The following MAP1LC3A variants were observed in gnomAD, a reference collection of about 807,000 sequenced individuals.
MAP1LC3A encodes the protein microtubule-associated protein 1 light chain 3 alpha.
MAP1LC3A carries 10 observed loss-of-function variants against 15.2 expected under a neutral mutation model. The observed-to-expected ratio is 0.66, with a 90% CI of 0.41 to 1.12. The LOEUF (loss-of-function observed/expected upper bound fraction) is 1.12. Among genes scored for constraint, MAP1LC3A ranks in the 50% most tolerant of loss-of-function variants. The pLI, the probability that MAP1LC3A is intolerant of heterozygous loss-of-function variation, is 0.00. For synonymous variants in MAP1LC3A, 63 were observed against 64.3 expected (o/e 0.98, Z 0.10); for missense variants, 138 against 167.3 (o/e 0.82, Z 0.97).
rs1357145981 is a variant in MAP1LC3A at position 34,559,738 on chromosome 20, G to A, written c.206G>A (p.Arg69His). ...NMSELVKIIR[R>H]RLQLNPTQAF... ...GCATACTCTCCCGCCGGCTGCAGGC[G>A]CCGCCTGCAGCTGAACCCCACGCAG... Residue 69 changes from arginine to histidine, a missense_variant and splice_region_variant, in exon 4 of 4, where the codon CGC becomes CAC. Arg to His is a conservative substitution (Grantham distance 29). Transcript: ENST00000360668. 3 of 1,600,240 alleles carry A rather than the reference G, an allele frequency of 1.9e-6. No homozygotes were observed. Among genetic ancestry groups the A allele is most frequent in the Non-Finnish European group, 2.6e-6 (3 of 1,176,246 alleles).
upstream of MAP1LC3A, among the ~76,000 whole-genome samples, chr20:34,555,626 C>A (rs529801395): frequency 6.6e-6 from 1 of 151,932 alleles, no homozygotes; most frequent in East Asian, 1.9e-4. Context: ...CTAAGTAATA[C>A]ATCTATGTAA....
At chr20:34,555,308 C>A (rs1982115060), upstream of MAP1LC3A, among the ~76,000 whole-genome samples, 1 of 152,004 alleles carries the variant, frequency 6.6e-6, no homozygotes, top group African/African-American at 2.4e-5. Flanking sequence ...CCACACCCAG[C>A]TAACTTCTGT....
intron 1 of MAP1LC3A, among the ~76,000 whole-genome samples, chr20:34,549,207 G>A (rs910234590): frequency 6.6e-6 from 1 of 151,654 alleles, no homozygotes; most frequent in Non-Finnish European, 1.5e-5. Flanking sequence ...TGTATTTTTA[G>A]TAGAGAAGGG....
rs1308522274 is a variant in MAP1LC3A, at chr20:34,548,291, TG to T, written c.-74+1377del. 2.0e-5 allele frequency among the ~76,000 whole-genome samples: 3 copies of T among 152,148 alleles called. No individual in the cohort carries two copies. The East Asian group carries it at 5.8e-4, about 29-fold the overall frequency. On this transcript the variant is annotated intron_variant, in intron 1 of 4. Transcript: ENST00000374837. ...GGTGGGGATTGTACGTCACTCATAG[TG>T]GAGGCACTGGTGGGTGTGGAGAGAA... is the stretch of plus-strand genomic sequence containing the variant.
chr20:34,559,687 G>C (rs1343474989), intron 3 of MAP1LC3A, 49 bp from the exon 4 acceptor site: 1 of 1,554,838 alleles, frequency 6.4e-7, no homozygotes, highest in Non-Finnish European at 8.7e-7. Context: ...GGCTATGTCC[G>C]TCCCGCAGCC....
chr20:34,558,934 G>A lies in MAP1LC3A; in HGVS notation c.40+26G>A. ...GTGAGGCCCGGCAGGCGAGCTGCGA[G>A]CTCTGGGGCAGGGGTGCCGGCCGAC... On this transcript the variant is annotated intron_variant, in intron 1 of 3. Coordinates refer to ENST00000360668, the MANE Select transcript of MAP1LC3A (RefSeq NM_032514.4). The surrounding 1 kb of genome is among the most constrained non-coding windows in gnomAD (Gnocchi z 4.3). The A allele has an allele frequency of 2.2e-6, 3 of 1,377,630 alleles. No individual in the cohort carries two copies. The highest frequency in any genetic ancestry group is 1.6e-5 in the South Asian group (1 of 61,812). The allele number at this position is 1,377,630 out of a possible 1,614,324, so 85.3% of individuals were successfully genotyped here. A position where few individuals can be genotyped will look rare whatever the true frequency, so the allele number is the denominator to read the frequency against.
chr20:34,550,585 TACC>T (rs920163900), intron 2 of MAP1LC3A, among the ~76,000 whole-genome samples: 15 of 152,098 alleles, frequency 9.9e-5, no homozygotes, highest in African/African-American at 3.6e-4. Context: ...CACAGTGAGA[TACC>T]ACTACACACC....
chr20:34,553,594 G>A (rs6142195), intron 2 of MAP1LC3A, among the ~76,000 whole-genome samples: 2 of 152,204 alleles, frequency 1.3e-5, no homozygotes, highest in Non-Finnish European at 1.5e-5. Flanking sequence ...GTGTGTGTGA[G>A]GTTTGTCCAG....
At position 34,559,380 on chromosome 20, in the gene MAP1LC3A, C is replaced by T. The variant is rs1170335403; in HGVS notation, c.130C>T (p.Leu44=). The change falls in exon 3 of 4, where the codon CTG becomes TTG. Residue 44 remains leucine, a synonymous_variant. Coordinates refer to ENST00000360668, the MANE Select transcript of MAP1LC3A (RefSeq NM_032514.4). ...IIERYKGEKQ[L]PVLDKTKFLV... ...CGAGCGCTACAAGGGTGAGAAGCAG[C>T]TGCCCGTCCTGGACAAGACCAAGTT... The T allele has an allele frequency of 1.2e-6, 2 of 1,613,230 alleles. No individual in the cohort carries two copies. Among genetic ancestry groups the T allele is most frequent in the Non-Finnish European group, 1.7e-6 (2 of 1,179,708 alleles).
upstream of MAP1LC3A, among the ~76,000 whole-genome samples, chr20:34,555,094 T>G (rs1288108414): frequency 6.6e-6 from 1 of 151,970 alleles, no homozygotes; most frequent in African/African-American, 2.4e-5. Context: ...AAACGATCCT[T>G]CCTGAGTAGT....
chr20:34,558,163 G>A, upstream of MAP1LC3A: 4 of 981,546 alleles, frequency 4.1e-6, no homozygotes, highest in Non-Finnish European at 4.8e-6. This position sits in a 1 kb window ranked among gnomAD's most constrained non-coding sequence, Gnocchi z 4.3. Context: ...CCAGGTCCAC[G>A]ATTTCTCTTC....
Position 34,559,971 on chromosome 20 carries a change from C to G in MAP1LC3A, c.*73C>G. 1 of 1,484,642 alleles carries G rather than the reference C, an allele frequency of 6.7e-7. No individual in the cohort carries two copies. The highest frequency in any genetic ancestry group is 1.3e-5 in the South Asian group (1 of 76,728). 92.0% of individuals were successfully genotyped at this position (1,484,642 alleles called of 1,614,324 possible). A position where few individuals can be genotyped will look rare whatever the true frequency, so the allele number is the denominator to read the frequency against. ...GCCCTGCCCAGAGAGCTCCTGGTTC[C>G]TGAACTGAGCTGCCTCTACCGTGGT... On this transcript the variant is annotated 3_prime_UTR_variant, in exon 4 of 4. Coordinates refer to ENST00000360668, the MANE Select transcript of MAP1LC3A (RefSeq NM_032514.4).
intron 2 of MAP1LC3A, among the ~76,000 whole-genome samples, chr20:34,550,667 C>T (rs1414354252): frequency 2.0e-5 from 3 of 152,184 alleles, no homozygotes; most frequent in South Asian, 2.1e-4. Flanking sequence ...CTGGAACTCC[C>T]GCACATCGCT....
upstream of MAP1LC3A, among the ~76,000 whole-genome samples, chr20:34,557,323 C>T (rs996171553): frequency 1.3e-5 from 2 of 152,198 alleles, no homozygotes; most frequent in Non-Finnish European, 2.9e-5. Flanking sequence ...ACCCTTTTCT[C>T]TGCATTGGCA....
upstream of MAP1LC3A, among the ~76,000 whole-genome samples, chr20:34,554,422 G>A (rs1982071158): frequency 7.1e-6 from 1 of 139,982 alleles, no homozygotes. Flanking sequence ...TCACCAGGCT[G>A]GAGTGCGGTG....
At chr20:34,554,876 A>ATT (rs1195057316), upstream of MAP1LC3A, among the ~76,000 whole-genome samples, 1 of 136,316 alleles carries the variant, frequency 7.3e-6, no homozygotes. Context: ...TATTTTTTGT[A>ATT]TTTTTTTTTT....
intron 1 of MAP1LC3A, 107 bp downstream of exon 1, chr20:34,559,015 G>C: frequency 1.5e-6 from 2 of 1,336,184 alleles, no homozygotes; most frequent in South Asian, 3.8e-5. Flanking sequence ...CTGGACCCTC[G>C]GGCTGGGACC....
At position 34,558,974 on chromosome 20, in the gene MAP1LC3A, G is replaced by T; in HGVS notation, c.40+66G>T. 4 of 1,344,066 alleles carry T rather than the reference G, an allele frequency of 3.0e-6. No individual in the cohort carries two copies. In the South Asian group the frequency reaches 7.2e-5, roughly 24 times the overall value. The allele number at this position is 1,344,066 out of a possible 1,614,324, so 83.3% of individuals were successfully genotyped here. ...TGCCGGCCGACCCCGACTGCCGCAGGTGACGTCAGCCCCGTGACGTCAGGC... is the reference window on the plus strand; with the variant it reads ...TGCCGGCCGACCCCGACTGCCGCAGTTGACGTCAGCCCCGTGACGTCAGGC... On this transcript the variant is annotated intron_variant, in intron 1 of 3. Coordinates refer to ENST00000360668, the MANE Select transcript of MAP1LC3A (RefSeq NM_032514.4). This position sits in a 1 kb window ranked among gnomAD's most constrained non-coding sequence, Gnocchi z 4.3.
Position 34,559,901 on chromosome 20 carries a change from C to A in MAP1LC3A, c.*3C>A. On this transcript the variant is annotated 3_prime_UTR_variant, in exon 4 of 4. Transcript: ENST00000360668. ...CCCAGGAAACCTTCGGCTTCTGAGC[C>A]AGCAGTAGGGGGGCTCGGCCTGGGA... The A allele has an allele frequency of 6.2e-7, 1 of 1,609,468 alleles. No homozygotes were observed. Among genetic ancestry groups the A allele is most frequent in the South Asian group, 1.1e-5 (1 of 90,520 alleles).
Sources: allele counts gnomAD v4.1 joint callset (sites outside exome capture counted in the v4.1 genomes callset), GRCh38; gene constraint gnomAD v4.1.1; non-coding constraint Gnocchi (gnomAD v3.1); transcripts MANE v1.5; gene names NCBI Gene and HGNC (gene_info 2026-07-23, HGNC 2026-07-21).